ATP6V1C1: variants seen among roughly 807,000 people sequenced by gnomAD.
ATP6V1C1 encodes ATPase H+ transporting V1 subunit C1.
In ATP6V1C1, 45 loss-of-function variants were observed where a neutral mutation model predicts 53.9. That is an observed-to-expected ratio of 0.83 (90% CI 0.66 to 1.07). The LOEUF is 1.07. ATP6V1C1 is among the 50% of genes least tolerant of loss of function. ATP6V1C1 has a pLI of 0.00. For synonymous variants in ATP6V1C1, 153 were observed against 155.2 expected, an observed-to-expected ratio of 0.99 and a Z score of 0.11; for missense variants, 315 against 440.3, an observed-to-expected ratio of 0.72 and a Z score of 2.55.
intron 1 of ATP6V1C1, among the ~76,000 whole-genome samples, chr8:103,030,636 C>T (rs79150493): frequency 5.9e-4 from 90 of 152,312 alleles, no homozygotes; most frequent in African/African-American, 2.1e-3. Context: ...AGGAAGGGAA[C>T]ACCCGTGCAG....
chr8:103,045,798 A>G (rs1288221021), intron 3 of ATP6V1C1, among the ~76,000 whole-genome samples: 1 of 152,040 alleles, frequency 6.6e-6, no homozygotes, highest in Non-Finnish European at 1.5e-5. Flanking sequence ...AAAATTATCC[A>G]GGTGTGGTGG....
rs1239090512 is a variant in ATP6V1C1 at position 103,070,453 on chromosome 8, C to A, written c.*1706C>A. 9.2e-5 allele frequency: 14 copies of A among 152,256 alleles called. No individual in the cohort carries two copies. Among genetic ancestry groups the A allele is most frequent in the African/African-American group, 2.9e-4 (12 of 41,554 alleles). 9.4% of individuals were successfully genotyped at this position (152,256 alleles called of 1,614,324 possible). A position where few individuals can be genotyped will look rare whatever the true frequency, so the allele number is the denominator to read the frequency against. ...GAGTGTGGATTTATCTTCAGTTTTTCTTTGGACAAGAGGAAGCTGTGAAAG... is the reference window on the plus strand; with the variant it reads ...GAGTGTGGATTTATCTTCAGTTTTTATTTGGACAAGAGGAAGCTGTGAAAG... On this transcript the variant is annotated 3_prime_UTR_variant, in exon 13 of 13. Coordinates refer to ENST00000518738, the MANE Select transcript of ATP6V1C1 (RefSeq NM_001695.5).
intron 1 of ATP6V1C1, among the ~76,000 whole-genome samples, chr8:103,029,030 GAA>G (rs371951302): frequency 6.6e-6 from 1 of 151,134 alleles, no homozygotes; most frequent in African/African-American, 2.4e-5. Flanking sequence ...TAAAAATTAG[GAA>G]AAAAATATAC....
intron 7 of ATP6V1C1, among the ~76,000 whole-genome samples, chr8:103,054,259 T>C (rs1817249974): frequency 6.6e-6 from 1 of 152,082 alleles, no homozygotes; most frequent in Non-Finnish European, 1.5e-5. Context: ...AAATTATTGA[T>C]TGTTTAAAAA....
At chr8:103,032,897 A>C (rs1816823437) in intron 1 of ATP6V1C1, among the ~76,000 whole-genome samples, 1 of 152,164 alleles carries the variant, frequency 6.6e-6, no homozygotes, top group African/African-American at 2.4e-5. Flanking sequence ...TGTTCATAGA[A>C]TCTCTATTCT....
chr8:103,021,895 G>A (rs1382143520), intron 1 of ATP6V1C1, among the ~76,000 whole-genome samples: 1 of 152,158 alleles, frequency 6.6e-6, no homozygotes, highest in Non-Finnish European at 1.5e-5. Flanking sequence ...CAGGAGTAAG[G>A]GGGAAGCTAG....
chr8:103,066,416 A>G lies in ATP6V1C1; in HGVS notation c.1022A>G (p.His341Arg), dbSNP rs1817491458. 6.2e-7 allele frequency: 1 copy of G among 1,611,986 alleles called. No individual in the cohort carries two copies. The highest frequency in any genetic ancestry group is 1.7e-5 in the Admixed American group (1 of 59,298). ...GAAGTATTACATGAATTGTATAAACATCTAGACAGCAGTGCAGCAGCTATT... is the reference window on the plus strand; with the variant it reads ...GAAGTATTACATGAATTGTATAAACGTCTAGACAGCAGTGCAGCAGCTATT... ...LREVLHELYK[H>R]LDSSAAAIID... Residue 341 changes from histidine (H) to arginine (R), a missense_variant, in exon 12 of 13, where the codon CAT (histidine) becomes CGT (arginine). By Grantham distance (29) the His-to-Arg change is conservative. Transcript: ENST00000518738.
chr8:103,067,761 T>C (rs1817520557), intron 12 of ATP6V1C1, among the ~76,000 whole-genome samples: 1 of 151,846 alleles, frequency 6.6e-6, no homozygotes. Flanking sequence ...ATTTTTGTAT[T>C]TTTAGTAGAG....
At chr8:103,048,118 T>G (rs1401765695) in intron 3 of ATP6V1C1, among the ~76,000 whole-genome samples, 2 of 152,234 alleles carry the variant, frequency 1.3e-5, no homozygotes, top group Non-Finnish European at 2.9e-5. Flanking sequence ...GTCACAGCTC[T>G]GCCGTTAACT....
chr8:103,034,549 G>A (rs1027546948), intron 1 of ATP6V1C1, among the ~76,000 whole-genome samples: 1 of 149,576 alleles, frequency 6.7e-6, no homozygotes, highest in Non-Finnish European at 1.5e-5. Context: ...AACTTAAATT[G>A]TTCTTAAATT....
intron 7 of ATP6V1C1, among the ~76,000 whole-genome samples, chr8:103,054,783 T>C (rs1373432400): frequency 6.6e-6 from 1 of 152,118 alleles, no homozygotes; most frequent in Non-Finnish European, 1.5e-5. Context: ...TATCAGGGAA[T>C]GTTTGGGGGA....
intron 7 of ATP6V1C1, among the ~76,000 whole-genome samples, chr8:103,054,980 A>G (rs1398272): frequency 0.039 from 5,897 of 152,208 alleles, 131 homozygotes; most frequent in East Asian, 0.046. Context: ...GCAGTATGCT[A>G]GAAAAAATTT....
intron 1 of ATP6V1C1, among the ~76,000 whole-genome samples, chr8:103,028,099 T>C (rs1427310856): frequency 6.6e-6 from 1 of 152,190 alleles, no homozygotes; most frequent in African/African-American, 2.4e-5. Flanking sequence ...GACATGAGTG[T>C]AAGTAGACAT....
Position 103,026,432 on chromosome 8 carries a change from T to C in ATP6V1C1, c.-40+5207T>C, listed in dbSNP as rs556397564. ...TAAGTATATTTATGGCAAGAAATTA[T>C]GGTAGTTTTAATAGGATTATAGAGC... On this transcript the variant is annotated intron_variant, in intron 1 of 12. Transcript: ENST00000518738. Among the ~76,000 whole-genome samples the C allele has an allele frequency of 8.5e-5, 13 of 152,356 alleles. No homozygotes were observed. In the South Asian group the frequency reaches 2.5e-3, roughly 29 times the overall value.
chr8:103,022,671 C>T (rs1816618770), intron 1 of ATP6V1C1, among the ~76,000 whole-genome samples: 1 of 152,122 alleles, frequency 6.6e-6, no homozygotes, highest in Non-Finnish European at 1.5e-5. Context: ...TTATATTCTT[C>T]ATACCCTCTC....
At chr8:103,034,961 C>CTTATG in intron 1 of ATP6V1C1, among the ~76,000 whole-genome samples, 1 of 152,250 alleles carries the variant, frequency 6.6e-6, no homozygotes, top group Admixed American at 6.5e-5. Flanking sequence ...TTGCAAAATA[C>CTTATG]TTATGATGTT....
chr8:103,039,863 G>C (rs187648242), intron 1 of ATP6V1C1, among the ~76,000 whole-genome samples: 66 of 152,004 alleles, frequency 4.3e-4, no homozygotes, highest in Admixed American at 4.3e-3. Context: ...CACCCTCTCA[G>C]CTCCCTATAT....
chr8:103,047,453 C>CAG (rs1817123315), intron 3 of ATP6V1C1, among the ~76,000 whole-genome samples: 1 of 116,116 alleles, frequency 8.6e-6, no homozygotes, highest in Non-Finnish European at 1.9e-5. Flanking sequence ...CACACACACA[C>CAG]ACACACACAC....
chr8:103,054,461 CA>C (rs1320017013), intron 7 of ATP6V1C1, among the ~76,000 whole-genome samples: 27 of 152,026 alleles, frequency 1.8e-4, no homozygotes, highest in African/African-American at 6.0e-4. Context: ...ATCTTTGTCA[CA>C]ACTACTCCAC....
Sources: gnomAD v4.1 joint callset for allele counts (sites outside exome capture counted in the v4.1 genomes callset) on GRCh38, gnomAD v4.1.1 for gene constraint, MANE v1.5 for transcripts, NCBI Gene and HGNC (gene_info 2026-07-23, HGNC 2026-07-21) for gene names.